Variants in COMMD10 observed in about 807,000 individuals in gnomAD.
COMMD10 encodes the protein COMM domain-containing protein 10.
In COMMD10, 33 loss-of-function variants were observed where a neutral mutation model predicts 28.9. The ratio of observed to expected loss-of-function variants is 1.14; its 90% CI spans 0.87 to 1.53. The LOEUF (loss-of-function observed/expected upper bound fraction) is 1.53, where lower values mean the gene tolerates loss of function less well. COMMD10 is among the 40% of genes most tolerant of loss of function. COMMD10 has a pLI of 0.00. For missense variants in COMMD10, 310 were observed against 233.4 expected (o/e 1.33, Z -2.14); for synonymous variants, 110 against 81.7 (o/e 1.35, Z -1.87).
chr5:116,236,435 C>T (rs976658305), intron 5 of COMMD10, among the ~76,000 whole-genome samples: 3 of 136,332 alleles, frequency 2.2e-5, no homozygotes, highest in Admixed American at 8.1e-5. Flanking sequence ...TCCCAGGAGG[C>T]GGAGGTTGCG....
intron 5 of COMMD10, among the ~76,000 whole-genome samples, chr5:116,175,660 G>GTA (rs1561649181): frequency 3.3e-5 from 5 of 152,172 alleles, no homozygotes; most frequent in Non-Finnish European, 5.9e-5. Context: ...GCAAAATATG[G>GTA]TATATATATG....
chr5:116,127,804 A>G lies in COMMD10; in HGVS notation c.400-6264A>G, dbSNP rs144439547. 7.9e-5 allele frequency among the ~76,000 whole-genome samples: 12 copies of G among 152,272 alleles called. No individual in the cohort carries two copies. In the East Asian group the frequency reaches 1.9e-3, roughly 25 times the overall value. On this transcript the variant is annotated intron_variant, in intron 4 of 6. Coordinates refer to ENST00000274458, the MANE Select transcript of COMMD10 (RefSeq NM_016144.4). Reference sequence around the variant, plus strand: ...GGTGGGGGGAAGGAGGAGGGATAGCAGTAGGAGATATACCTAGTGTAAATG... The same window carrying G: ...GGTGGGGGGAAGGAGGAGGGATAGCGGTAGGAGATATACCTAGTGTAAATG...
chr5:116,258,247 T>A (rs1169286942), intron 5 of COMMD10, among the ~76,000 whole-genome samples: 1 of 151,770 alleles, frequency 6.6e-6, no homozygotes, highest in Non-Finnish European at 1.5e-5. Context: ...GTCTTAGAAT[T>A]TTGTAGTATA....
At chr5:116,238,532 T>A (rs1209981496) in intron 5 of COMMD10, among the ~76,000 whole-genome samples, 1 of 152,212 alleles carries the variant, frequency 6.6e-6, no homozygotes, top group East Asian at 1.9e-4. Flanking sequence ...AAGCTTCTGT[T>A]CTGAGAACCT....
chr5:116,127,648 C>T (rs1751705805), intron 4 of COMMD10, among the ~76,000 whole-genome samples: 1 of 152,120 alleles, frequency 6.6e-6, no homozygotes, highest in Non-Finnish European at 1.5e-5. Context: ...AAGCTAGAAA[C>T]CATCATTCTG....
intron 5 of COMMD10, among the ~76,000 whole-genome samples, chr5:116,287,852 C>A (rs890511234): frequency 3.3e-5 from 5 of 151,764 alleles, no homozygotes; most frequent in Non-Finnish European, 7.4e-5. Context: ...TCCTTTACTG[C>A]TCCACTTCTC....
intron 5 of COMMD10, among the ~76,000 whole-genome samples, chr5:116,214,564 G>A (rs1453899815): frequency 6.6e-6 from 1 of 152,112 alleles, no homozygotes; most frequent in Non-Finnish European, 1.5e-5. Context: ...ACTAAAACAT[G>A]TAGAAGTTTC....
intron 5 of COMMD10, 99 bp from the exon 6 acceptor site, chr5:116,291,418 A>G (rs190227525): frequency 2.7e-5 from 22 of 820,256 alleles, no homozygotes; most frequent in African/African-American, 1.9e-4. Flanking sequence ...AACCACTCAG[A>G]GGACAATCTT....
At chr5:116,219,282 A>G (rs1305829934) in intron 5 of COMMD10, among the ~76,000 whole-genome samples, 1 of 152,090 alleles carries the variant, frequency 6.6e-6, no homozygotes, top group Non-Finnish European at 1.5e-5. Flanking sequence ...CGATACATAC[A>G]GTTTTCTCCC....
chr5:116,203,565 A>G (rs1232378574), intron 5 of COMMD10, among the ~76,000 whole-genome samples: 1 of 152,180 alleles, frequency 6.6e-6, no homozygotes, highest in Non-Finnish European at 1.5e-5. Flanking sequence ...TACAAGCCAG[A>G]AGAGAGTGGG....
chr5:116,255,304 A>G (rs1307743740), intron 5 of COMMD10, among the ~76,000 whole-genome samples: 1 of 151,494 alleles, frequency 6.6e-6, no homozygotes, highest in Non-Finnish European at 1.5e-5. Context: ...TTACATTTAA[A>G]GTTAATAGTG....
At chr5:116,194,209 C>G (rs958076230) in intron 5 of COMMD10, among the ~76,000 whole-genome samples, 1 of 151,808 alleles carries the variant, frequency 6.6e-6, no homozygotes, top group Admixed American at 6.6e-5. Context: ...GCCTAAATCC[C>G]TAAAAAGACT....
chr5:116,133,351 T>A (rs1159874124), intron 4 of COMMD10, among the ~76,000 whole-genome samples: 1 of 152,254 alleles, frequency 6.6e-6, no homozygotes, highest in Non-Finnish European at 1.5e-5. Context: ...CTTCCTTTAC[T>A]ATTTTTGTCT....
chr5:116,138,983 A>T (rs1752115096), intron 5 of COMMD10, among the ~76,000 whole-genome samples: 1 of 151,754 alleles, frequency 6.6e-6, no homozygotes. Context: ...AGCACAGAGA[A>T]GTTAAATAAT....
chr5:116,221,828 C>T (rs950698837), intron 5 of COMMD10, among the ~76,000 whole-genome samples: 1 of 151,994 alleles, frequency 6.6e-6, no homozygotes, highest in African/African-American at 2.4e-5. Flanking sequence ...TTTTGGAGTC[C>T]TTTGCTTATT....
rs1029656643 is a variant in COMMD10, at chr5:116,254,883, A to C, written c.511-36634A>C. Among the ~76,000 whole-genome samples, 9 of 151,474 alleles carry C rather than the reference A, an allele frequency of 5.9e-5. 1 individual carries two copies. Among genetic ancestry groups the C allele is most frequent in the African/African-American group, 2.0e-4 (8 of 40,950 alleles). On this transcript the variant is annotated intron_variant, in intron 5 of 6. Transcript: ENST00000274458. ...ACTTTCTGTCTCGTTGATCTGTCTA[A>C]TATTGACAGTGGGGTGTTAAAGTCT...
intron 4 of COMMD10, among the ~76,000 whole-genome samples, chr5:116,107,486 G>C (rs1490329327): frequency 6.6e-6 from 1 of 152,016 alleles, no homozygotes; most frequent in African/African-American, 2.4e-5. Context: ...TGATACTTGT[G>C]TATGCTTCAT....
intron 5 of COMMD10, among the ~76,000 whole-genome samples, chr5:116,210,028 A>G (rs116657615): frequency 6.6e-5 from 10 of 152,276 alleles, no homozygotes; most frequent in Non-Finnish European, 1.3e-4. Context: ...TATGTGGCAG[A>G]AGGCATCACA....
At chr5:116,109,088 C>G (rs192936733) in intron 4 of COMMD10, among the ~76,000 whole-genome samples, 2 of 152,200 alleles carry the variant, frequency 1.3e-5, no homozygotes, top group Non-Finnish European at 2.9e-5. Context: ...CAGAAATCAC[C>G]TGCCTTCTGC....
Sources: allele counts gnomAD v4.1 joint callset (sites outside exome capture counted in the v4.1 genomes callset), GRCh38; gene constraint gnomAD v4.1.1; transcripts MANE v1.5; gene names NCBI Gene and HGNC (gene_info 2026-07-23, HGNC 2026-07-21).